PLGLB2: variants seen among roughly 807,000 people sequenced by gnomAD.
The protein encoded by PLGLB2 is plasminogen like B2.
intron 1 of PLGLB2, chr2:87,751,522 C>T (rs1354213935): frequency 3.3e-5 from 5 of 151,260 alleles, no homozygotes; most frequent in African/African-American, 1.2e-4. Flanking sequence ...CAAGGAGGGA[C>T]CATTCAGAGG....
chr2:87,756,025 CATTT>C (rs1393190573), intron 3 of PLGLB2: 1 of 5,434 alleles, frequency 1.8e-4, no homozygotes, highest in African/African-American at 7.7e-4. Context: ...TTTTCACATT[CATTT>C]CTCAGTTTAG....
chr2:87,748,867 T>C (rs1305296258), intron 1 of PLGLB2, among the ~76,000 whole-genome samples: 1 of 114,722 alleles, frequency 8.7e-6, no homozygotes, highest in African/African-American at 3.7e-5. Flanking sequence ...TGAGTGTGTG[T>C]CCTTTACAAA....
intron 1 of PLGLB2, among the ~76,000 whole-genome samples, chr2:87,750,733 A>G (rs1189397934): frequency 2.0e-5 from 3 of 150,812 alleles, no homozygotes; most frequent in Non-Finnish European, 3.0e-5. Context: ...GAATCTGTTC[A>G]TTTGCCTTCC....
chr2:87,758,536 G>GT lies in PLGLB2; in HGVS notation c.*1719dup, dbSNP rs1162474809. On this transcript the variant is annotated 3_prime_UTR_variant, in exon 4 of 4. Coordinates refer to ENST00000359481, the MANE Select transcript of PLGLB2 (RefSeq NM_002665.4). Reference sequence around the variant, plus strand: ...AGACTTGGCTGTCACAGTAGCAATGGTAATATTAGCTACTGTGCCAGAAGC... The same window carrying GT: ...AGACTTGGCTGTCACAGTAGCAATGGTTAATATTAGCTACTGTGCCAGAAGC... 5.3e-4 allele frequency among the ~76,000 whole-genome samples: 58 copies of GT among 108,880 alleles called. No individual in the cohort carries two copies. Among genetic ancestry groups the GT allele is most frequent in the Middle Eastern group, 3.6e-3 (1 of 280 alleles). The allele number at this position is 108,880 out of a possible 152,430, so 71.4% of individuals were successfully genotyped here.
intron 1 of PLGLB2, among the ~76,000 whole-genome samples, chr2:87,749,064 CTTTG>C (rs1300233452): frequency 6.9e-6 from 1 of 144,036 alleles, no homozygotes. Flanking sequence ...CACTTTTCAG[CTTTG>C]TTTAAGCCTT....
intron 3 of PLGLB2, chr2:87,756,218 G>T (rs1295268567): frequency 1.7e-5 from 1 of 60,294 alleles, no homozygotes; most frequent in Non-Finnish European, 3.5e-5. Context: ...AGGGCCCATT[G>T]TCTAACTGGT....
At chr2:87,750,066 G>A (rs1684621534) in intron 1 of PLGLB2, among the ~76,000 whole-genome samples, 2 of 151,004 alleles carry the variant, frequency 1.3e-5, no homozygotes, top group South Asian at 4.2e-4. Context: ...GAGTCCTAGA[G>A]GTGAATAAGA....
chr2:87,759,001 C>T lies in PLGLB2; in HGVS notation c.*2183C>T, dbSNP rs1173102331. ...GAAAGGAGCAAAACTTTGCTCAGATCCCAGAATTAACCTGATTTTTTTTTT... is the reference window on the plus strand; with the variant it reads ...GAAAGGAGCAAAACTTTGCTCAGATTCCAGAATTAACCTGATTTTTTTTTT... On this transcript the variant is annotated 3_prime_UTR_variant, in exon 4 of 4. Coordinates refer to ENST00000359481, the MANE Select transcript of PLGLB2 (RefSeq NM_002665.4). 6.9e-6 allele frequency among the ~76,000 whole-genome samples: 1 copy of T among 144,706 alleles called. No homozygotes were observed. Among genetic ancestry groups the T allele is most frequent in the Non-Finnish European group, 1.5e-5 (1 of 64,902 alleles). The allele number at this position is 144,706 out of a possible 152,430, so 94.9% of individuals were successfully genotyped here.
chr2:87,753,129 G>GAATGTGGGGCAGAGGTTCAGGGGA (rs1573988009), intron 2 of PLGLB2, among the ~76,000 whole-genome samples: 1 of 149,974 alleles, frequency 6.7e-6, no homozygotes, highest in East Asian at 2.1e-4. Flanking sequence ...GGGTGGGGTG[G>GAATGTGGGGCAGAGGTTCAGGGGA]AATGTGGGGC....
chr2:87,756,491 G>A (rs1326743717), intron 3 of PLGLB2: 6 of 287,106 alleles, frequency 2.1e-5, no homozygotes, highest in Admixed American at 4.6e-5. Flanking sequence ...TTGTTTACTT[G>A]AATATTTCCT....
chr2:87,758,287 GGTTT>G lies in PLGLB2; in HGVS notation c.*1470_*1473del, dbSNP rs1197822754. 8.8e-6 allele frequency among the ~76,000 whole-genome samples: 1 copy of G among 114,268 alleles called. No homozygotes were observed. The highest frequency in any genetic ancestry group is 1.8e-5 in the Non-Finnish European group (1 of 54,872). The allele number at this position is 114,268 out of a possible 152,430, so 75.0% of individuals were successfully genotyped here. Reference sequence around the variant, plus strand: ...AGGGATAATAACACCTTCCTCAAATGGTTTTTTTTATTAGGACTAAAAGAGAGAA... The same window carrying G: ...AGGGATAATAACACCTTCCTCAAATGTTTTTATTAGGACTAAAAGAGAGAA... On this transcript the variant is annotated 3_prime_UTR_variant, in exon 4 of 4. Coordinates refer to ENST00000359481, the MANE Select transcript of PLGLB2 (RefSeq NM_002665.4).
Position 87,758,288 on chromosome 2 carries a change from GTTT to G in PLGLB2, c.*1476_*1478del, listed in dbSNP as rs1196999641. ...GGGATAATAACACCTTCCTCAAATG[GTTT>G]TTTTTATTAGGACTAAAAGAGAGAA... On this transcript the variant is annotated 3_prime_UTR_variant, in exon 4 of 4. Transcript: ENST00000359481. Among the ~76,000 whole-genome samples, 2 of 112,208 alleles carry G rather than the reference GTTT, an allele frequency of 1.8e-5. No individual in the cohort carries two copies. The highest frequency in any genetic ancestry group is 2.8e-4 in the East Asian group (1 of 3,622). 73.6% of individuals were successfully genotyped at this position (112,208 alleles called of 152,430 possible).
intron 1 of PLGLB2, chr2:87,751,469 T>C (rs1312598399): frequency 6.6e-6 from 1 of 151,100 alleles, no homozygotes; most frequent in Non-Finnish European, 1.5e-5. Flanking sequence ...GTTCAGTTCT[T>C]GTTTATTTCC....
intron 2 of PLGLB2, among the ~76,000 whole-genome samples, chr2:87,753,125 G>A (rs1684659005): frequency 6.7e-6 from 1 of 149,684 alleles, no homozygotes; most frequent in African/African-American, 2.4e-5. Context: ...GCCAGGGTGG[G>A]GTGGAATGTG....
intron 3 of PLGLB2, chr2:87,756,575 G>C (rs1684729580): frequency 2.8e-6 from 1 of 360,430 alleles, no homozygotes; most frequent in Non-Finnish European, 5.3e-6. Flanking sequence ...TGTGCCCCGT[G>C]TGTCCCCAGC....
At chr2:87,750,155 A>T (rs1461786418) in intron 1 of PLGLB2, among the ~76,000 whole-genome samples, 28 of 152,404 alleles carry the variant, frequency 1.8e-4, no homozygotes, top group African/African-American at 6.7e-4. Flanking sequence ...TCCTAGGGAC[A>T]GGAGCTGGGG....
At chr2:87,754,709 GTAAAC>G (rs1426266644) in intron 3 of PLGLB2, among the ~76,000 whole-genome samples, 1 of 149,196 alleles carries the variant, frequency 6.7e-6, no homozygotes. Context: ...CAAGCAAACG[GTAAAC>G]TAAATAGGAT....
chr2:87,750,621 G>A (rs1292994928), intron 1 of PLGLB2, among the ~76,000 whole-genome samples: 292 of 147,408 alleles, frequency 2.0e-3, no homozygotes, highest in African/African-American at 6.8e-3. Context: ...TGGGGAGCAG[G>A]GGGACTTTGG....
chr2:87,749,108 G>GTTCTTT (rs893190900), intron 1 of PLGLB2, among the ~76,000 whole-genome samples: 4 of 149,394 alleles, frequency 2.7e-5, no homozygotes, highest in Non-Finnish European at 6.0e-5. Flanking sequence ...TGTCCTAGTA[G>GTTCTTT]TTCTTTTTCT....
Sources: gnomAD v4.1 joint callset for allele counts (sites outside exome capture counted in the v4.1 genomes callset) on GRCh38, gnomAD v4.1.1 for gene constraint, MANE v1.5 for transcripts, NCBI Gene and HGNC (gene_info 2026-07-23, HGNC 2026-07-21) for gene names.